Variants in ZNF215 observed in about 807,000 individuals in gnomAD.
The protein encoded by ZNF215 is zinc finger protein 215, also known as BWSCR2-associated zinc finger protein 2.
In ZNF215, 24 loss-of-function variants were observed where a neutral mutation model predicts 27.2. The observed-to-expected ratio is 0.88, with a 90% CI of 0.64 to 1.24. ZNF215 has a LOEUF of 1.24. ZNF215 is among the 50% of genes most tolerant of loss of function. The probability of loss-of-function intolerance (pLI) is 0.00; values close to 1 mark genes in which losing one functional copy is unlikely to be tolerated. For synonymous variants in ZNF215, 210 were observed against 204.0 expected, an observed-to-expected ratio of 1.03 and a Z score of -0.25; for missense variants, 675 against 605.7, an observed-to-expected ratio of 1.11 and a Z score of -1.20.
At chr11:6,985,146 T>C (rs1440990473), downstream of ZNF215, among the ~76,000 whole-genome samples, 1 of 152,016 alleles carries the variant, frequency 6.6e-6, no homozygotes, top group Non-Finnish European at 1.5e-5. Context: ...ACACCAATTC[T>C]CAACAAAATA....
intron 6 of ZNF215, among the ~76,000 whole-genome samples, chr11:6,954,660 G>A (rs1850247729): frequency 6.6e-6 from 1 of 152,232 alleles, no homozygotes; most frequent in African/African-American, 2.4e-5. Context: ...GACTAGGAAA[G>A]GGAACTCCCT....
rs574121682 is a variant in ZNF215, at chr11:6,935,717, A to T, written c.400+3045A>T. ...CACCATAAACTGACTTGAACTAACAAATATACAGAGCGTTCTACCCAAAAA... is the reference window on the plus strand; with the variant it reads ...CACCATAAACTGACTTGAACTAACATATATACAGAGCGTTCTACCCAAAAA... On this transcript the variant is annotated intron_variant, in intron 3 of 6. Transcript: ENST00000278319. Among the ~76,000 whole-genome samples the T allele has an allele frequency of 2.3e-4, 35 of 152,260 alleles. No homozygotes were observed. In the East Asian group the frequency reaches 6.0e-3, roughly 26 times the overall value.
intron 6 of ZNF215, among the ~76,000 whole-genome samples, chr11:6,947,214 T>G (rs897150179): frequency 2.0e-5 from 3 of 152,236 alleles, no homozygotes; most frequent in Non-Finnish European, 2.9e-5. Flanking sequence ...GAAATTAATC[T>G]GGAATTTACT....
downstream of ZNF215, among the ~76,000 whole-genome samples, chr11:6,990,542 A>G (rs183300064): frequency 2.7e-3 from 414 of 152,378 alleles, 1 homozygote; most frequent in African/African-American, 9.3e-3. Flanking sequence ...GAGAAGTGAG[A>G]GGGAGACTTA....
chr11:6,955,547 A>G, intron 6 of ZNF215, 143 bp from the exon 7 acceptor site: 1 of 779,108 alleles, frequency 1.3e-6, no homozygotes, highest in Non-Finnish European at 1.8e-6. Flanking sequence ...TTTCTTTTAT[A>G]AGTATTTTTT....
intron 5 of ZNF215, among the ~76,000 whole-genome samples, chr11:6,982,187 A>C (rs1372482757): frequency 6.6e-6 from 1 of 152,064 alleles, no homozygotes; most frequent in Non-Finnish European, 1.5e-5. Context: ...TGAGTCTATA[A>C]ATTACCCGGG....
chr11:6,960,078 CA>C (rs539548675), downstream of ZNF215, among the ~76,000 whole-genome samples: 310 of 152,036 alleles, frequency 2.0e-3, 1 homozygote, highest in African/African-American at 7.1e-3. Context: ...AACCAATAAA[CA>C]AGGGAAATGT....
intron 5 of ZNF215, among the ~76,000 whole-genome samples, chr11:6,972,829 G>A (rs1850744202): frequency 6.6e-6 from 1 of 152,168 alleles, no homozygotes; most frequent in Admixed American, 6.6e-5. Flanking sequence ...CAAGAGACTA[G>A]AAAGAGCTGA....
intron 5 of ZNF215, among the ~76,000 whole-genome samples, chr11:6,979,897 T>C (rs888402106): frequency 3.3e-5 from 5 of 152,252 alleles, no homozygotes; most frequent in African/African-American, 4.8e-5. Context: ...CTTACAGATG[T>C]AAAATATTTT....
intron 5 of ZNF215, among the ~76,000 whole-genome samples, chr11:6,969,012 G>A (rs1460316564): frequency 1.3e-5 from 2 of 152,068 alleles, no homozygotes; most frequent in Non-Finnish European, 2.9e-5. Flanking sequence ...TTCTTTGCAT[G>A]GGAATTAGTC....
At chr11:6,942,991 C>CT in intron 4 of ZNF215, 92 bp from the exon 5 acceptor site, 1 of 1,512,964 alleles carries the variant, frequency 6.6e-7, no homozygotes, top group Non-Finnish European at 8.9e-7. Context: ...CTGGTGTATT[C>CT]TGGCTCCTAC....
intron 6 of ZNF215, among the ~76,000 whole-genome samples, chr11:6,944,322 T>C (rs1231036581): frequency 6.6e-6 from 1 of 151,960 alleles, no homozygotes; most frequent in Non-Finnish European, 1.5e-5. Flanking sequence ...TAACTTTGAA[T>C]GTTATTCTTT....
intron 5 of ZNF215, among the ~76,000 whole-genome samples, chr11:6,980,920 C>G (rs1374371036): frequency 6.6e-6 from 1 of 150,668 alleles, no homozygotes; most frequent in African/African-American, 2.5e-5. Context: ...TCATCCATGT[C>G]CCTACAAAGG....
At chr11:6,969,396 G>C (rs1318123235) in intron 5 of ZNF215, among the ~76,000 whole-genome samples, 1 of 152,002 alleles carries the variant, frequency 6.6e-6, no homozygotes, top group Non-Finnish European at 1.5e-5. Context: ...CTTAATCTCT[G>C]ATTACTGAGG....
At chr11:6,986,244 T>C (rs1257428502), downstream of ZNF215, among the ~76,000 whole-genome samples, 1 of 152,098 alleles carries the variant, frequency 6.6e-6, no homozygotes, top group Non-Finnish European at 1.5e-5. Flanking sequence ...AACCATCTTA[T>C]CTTTGACAAA....
At chr11:6,958,085 T>C (rs1850437396), downstream of ZNF215, 2 of 982,248 alleles carry the variant, frequency 2.0e-6, no homozygotes, top group Non-Finnish European at 2.4e-6. Flanking sequence ...CAAGTTTTAT[T>C]AGGACAAAGC....
At chr11:6,964,813 A>T (rs1850585046) in intron 5 of ZNF215, among the ~76,000 whole-genome samples, 1 of 151,974 alleles carries the variant, frequency 6.6e-6, no homozygotes, top group Non-Finnish European at 1.5e-5. Flanking sequence ...TTAAATCTAA[A>T]GATCTTCTTT....
chr11:6,928,270 T>C (rs1849129970), intron 2 of ZNF215, among the ~76,000 whole-genome samples: 1 of 152,206 alleles, frequency 6.6e-6, no homozygotes, highest in Non-Finnish European at 1.5e-5. Context: ...AGGCTAAGCA[T>C]ATTATTTATA....
At chr11:6,964,084 T>C (rs1850568993) in intron 5 of ZNF215, among the ~76,000 whole-genome samples, 1 of 152,056 alleles carries the variant, frequency 6.6e-6, no homozygotes, top group African/African-American at 2.4e-5. Context: ...GACTATATTT[T>C]CATGGGCTTA....
Sources: allele counts gnomAD v4.1 joint callset (sites outside exome capture counted in the v4.1 genomes callset), GRCh38; gene constraint gnomAD v4.1.1; transcripts MANE v1.5; gene names NCBI Gene and HGNC (gene_info 2026-07-23, HGNC 2026-07-21).